The following PAWR variants were observed in gnomAD, a reference collection of about 807,000 sequenced individuals.
The protein encoded by PAWR is PRKC apoptosis WT1 regulator protein.
In PAWR, 23 loss-of-function variants were observed where a neutral mutation model predicts 32.0. That is an observed-to-expected ratio of 0.72 (90% CI 0.52 to 1.02). PAWR has a LOEUF of 1.02. PAWR is among the 50% of genes least tolerant of loss of function. The pLI is 0.00. For synonymous variants in PAWR, 226 were observed against 187.1 expected (o/e 1.21, Z -1.70); for missense variants, 457 against 437.7 (o/e 1.04, Z -0.39).
In PAWR at chr12:79,634,912, G is replaced by A. The variant is rs144016907; in HGVS notation, c.517-13705C>T. On this transcript the variant is annotated intron_variant, in intron 2 of 6. Transcript: ENST00000328827. ...TTTAATTTTAAAGAGGCTATCTGGA[G>A]GAATTCTATAAGGTCTCATTTCCAA... Among the ~76,000 whole-genome samples, 324 of 152,078 alleles carry A rather than the reference G, an allele frequency of 2.1e-3. 2 individuals carry two copies. The highest frequency in any genetic ancestry group is 7.6e-3 in the African/African-American group (316 of 41,498).
intron 4 of PAWR, among the ~76,000 whole-genome samples, chr12:79,612,295 T>C (rs1320928996): frequency 6.8e-6 from 1 of 147,150 alleles, no homozygotes. Flanking sequence ...CAGACTTAAC[T>C]ACTCTTCTGA....
At chr12:79,685,474 A>G (rs1357502404) in intron 2 of PAWR, among the ~76,000 whole-genome samples, 1 of 152,214 alleles carries the variant, frequency 6.6e-6, no homozygotes, top group African/African-American at 2.4e-5. Flanking sequence ...TGTTCACTTA[A>G]AAGTGCTTTC....
chr12:79,678,755 T>G (rs1334098997), intron 2 of PAWR, among the ~76,000 whole-genome samples: 1 of 152,234 alleles, frequency 6.6e-6, no homozygotes, highest in Non-Finnish European at 1.5e-5. Context: ...TGTTACCCTG[T>G]TCCCCTCTTC....
chr12:79,609,548 C>T (rs1447791904), intron 4 of PAWR, among the ~76,000 whole-genome samples: 2 of 152,012 alleles, frequency 1.3e-5, no homozygotes, highest in African/African-American at 2.4e-5. Context: ...CCATAAAAAC[C>T]TCAGGCTCTG....
At chr12:79,645,696 T>C (rs1398298482) in intron 2 of PAWR, among the ~76,000 whole-genome samples, 2 of 152,188 alleles carry the variant, frequency 1.3e-5, no homozygotes, top group East Asian at 1.9e-4. Flanking sequence ...CATAAATTAA[T>C]AGAGATCTTG....
chr12:79,633,457 A>G (rs537266185), intron 2 of PAWR, among the ~76,000 whole-genome samples: 67 of 152,320 alleles, frequency 4.4e-4, no homozygotes, highest in African/African-American at 1.5e-3. Flanking sequence ...GACTAAAATT[A>G]TAAGACTGAC....
rs538278080 is a variant in PAWR, at chr12:79,626,106, G to A, written c.517-4899C>T. On this transcript the variant is annotated intron_variant, in intron 2 of 6. Transcript: ENST00000328827. ...GTGAACCCGGGAGGCGGAGCTTGCA[G>A]TGAGCCAAGATCGTGCCACTGCACT... Among the ~76,000 whole-genome samples, 13 of 135,358 alleles carry A rather than the reference G, an allele frequency of 9.6e-5. No homozygotes were observed. The South Asian group carries it at 1.0e-3, about 11-fold the overall frequency. The allele number at this position is 135,358 out of a possible 152,430, so 88.8% of individuals were successfully genotyped here. A position where few individuals can be genotyped will look rare whatever the true frequency, so the allele number is the denominator to read the frequency against.
At chr12:79,676,723 G>T (rs1878188464) in intron 2 of PAWR, among the ~76,000 whole-genome samples, 1 of 151,746 alleles carries the variant, frequency 6.6e-6, no homozygotes, top group Non-Finnish European at 1.5e-5. Flanking sequence ...TGCTCCCTCA[G>T]TTTCACTTAC....
intron 2 of PAWR, among the ~76,000 whole-genome samples, chr12:79,684,768 T>C (rs1261992003): frequency 6.6e-6 from 1 of 152,268 alleles, no homozygotes; most frequent in Admixed American, 6.5e-5. Context: ...ATCTATGTTC[T>C]ATAAATAGGG....
chr12:79,611,261 TATATATA>T (rs1035650436), intron 4 of PAWR, among the ~76,000 whole-genome samples: 2 of 146,746 alleles, frequency 1.4e-5, no homozygotes, highest in South Asian at 4.2e-4. Context: ...TATATATATT[TATATATA>T]ATATATAATT....
intron 2 of PAWR, among the ~76,000 whole-genome samples, chr12:79,637,766 G>C (rs1392361377): frequency 6.6e-6 from 1 of 151,700 alleles, no homozygotes; most frequent in African/African-American, 2.4e-5. Flanking sequence ...CTTGGGAACT[G>C]AGTAAATTTA....
At chr12:79,595,750 G>A (rs942511086) in intron 5 of PAWR, among the ~76,000 whole-genome samples, 1 of 152,134 alleles carries the variant, frequency 6.6e-6, no homozygotes, top group South Asian at 2.1e-4. Flanking sequence ...TACTTGGAAG[G>A]CTGAGGCAGA....
At chr12:79,604,660 A>G (rs1003635367) in intron 4 of PAWR, 99 of 1,288,116 alleles carry the variant, frequency 7.7e-5, no homozygotes, top group Non-Finnish European at 8.8e-5. Context: ...CATTCTCTTC[A>G]CCCTCCAACA....
chr12:79,597,601 C>T (rs1199961591), intron 4 of PAWR, among the ~76,000 whole-genome samples: 1 of 152,152 alleles, frequency 6.6e-6, no homozygotes, highest in African/African-American at 2.4e-5. Context: ...AGTATGCATA[C>T]AGGCAATCAA....
Position 79,632,918 on chromosome 12 carries a change from G to A in PAWR, c.517-11711C>T, listed in dbSNP as rs1457090210. The stretch of plus-strand genomic sequence containing the variant: ...GGAGGCTGAGGTGGGCGGATCACTT[G>A]AGGCCAGGAGTTCGAGACCAGCCTG... On this transcript the variant is annotated intron_variant, in intron 2 of 6. Transcript: ENST00000328827. Among the ~76,000 whole-genome samples, 3 of 152,042 alleles carry A rather than the reference G, an allele frequency of 2.0e-5. No individual in the cohort carries two copies. In the East Asian group the frequency reaches 5.8e-4, roughly 29 times the overall value.
At chr12:79,607,300 A>T (rs1287490128) in intron 4 of PAWR, among the ~76,000 whole-genome samples, 1 of 151,774 alleles carries the variant, frequency 6.6e-6, no homozygotes, top group Admixed American at 6.6e-5. Flanking sequence ...AAAAAAAAAG[A>T]AAGAAAGAAT....
At chr12:79,654,161 T>A (rs1489824106) in intron 2 of PAWR, among the ~76,000 whole-genome samples, 2 of 152,182 alleles carry the variant, frequency 1.3e-5, no homozygotes, top group Non-Finnish European at 2.9e-5. Flanking sequence ...AAAAACCAAT[T>A]AGCCTTATGT....
chr12:79,603,708 G>T (rs1452053632), intron 4 of PAWR: 2 of 113,712 alleles, frequency 1.8e-5, no homozygotes, highest in Non-Finnish European at 3.3e-5. Flanking sequence ...ACAGAGTTTC[G>T]CTCCTGTTGC....
intron 2 of PAWR, among the ~76,000 whole-genome samples, chr12:79,660,451 T>C (rs1877294121): frequency 6.6e-6 from 1 of 152,118 alleles, no homozygotes; most frequent in African/African-American, 2.4e-5. Context: ...CCAAATGATG[T>C]TATGCACTAA....
Sources: allele counts gnomAD v4.1 joint callset (sites outside exome capture counted in the v4.1 genomes callset), GRCh38; gene constraint gnomAD v4.1.1; transcripts MANE v1.5; gene names NCBI Gene and HGNC (gene_info 2026-07-23, HGNC 2026-07-21).